The following ABCA3 variants were observed in gnomAD, a reference collection of about 807,000 sequenced individuals.
ABCA3 encodes phospholipid-transporting ATPase ABCA3.
In ABCA3, 88 loss-of-function variants were observed where a neutral mutation model predicts 172.8. That is an observed-to-expected ratio of 0.51 (90% CI 0.43 to 0.61). ABCA3 has a LOEUF of 0.61. Ranked by LOEUF, ABCA3 falls within the 20% of genes least tolerant of loss-of-function variation. The probability of loss-of-function intolerance (pLI) is 0.00; values close to 1 mark genes in which losing one functional copy is unlikely to be tolerated. For missense variants in ABCA3, 2,164 were observed against 2,301.0 expected, an observed-to-expected ratio of 0.94 and a Z score of 1.22; for synonymous variants, 1,066 against 983.8, an observed-to-expected ratio of 1.08 and a Z score of -1.56.
At chr16:2,318,170 G>A (rs951979813) in intron 8 of ABCA3, among the ~76,000 whole-genome samples, 1 of 152,214 alleles carries the variant, frequency 6.6e-6, no homozygotes, top group African/African-American at 2.4e-5. Flanking sequence ...CCATGGCTGT[G>A]AGACGTGACC....
At chr16:2,288,841 C>T (rs1168039604) in intron 20 of ABCA3, among the ~76,000 whole-genome samples, 4 of 152,148 alleles carry the variant, frequency 2.6e-5, no homozygotes, top group East Asian at 1.9e-4. Context: ...CCACCACACC[C>T]GGCCCAGACA....
At chr16:2,324,756 G>A (rs778363496) in intron 5 of ABCA3, among the ~76,000 whole-genome samples, 33 of 152,140 alleles carry the variant, frequency 2.2e-4, no homozygotes, top group Admixed American at 1.4e-3. Flanking sequence ...CTCCTGGTGC[G>A]GGTTTTTTGG....
At chr16:2,339,263 C>G (rs1007260977) in intron 1 of ABCA3, 3 of 152,186 alleles carry the variant, frequency 2.0e-5, no homozygotes, top group Non-Finnish European at 4.4e-5. Flanking sequence ...AGATGGAAGG[C>G]TAACATCTTT....
At chr16:2,292,605 A>G (rs1445911859) in intron 18 of ABCA3, among the ~76,000 whole-genome samples, 1 of 151,940 alleles carries the variant, frequency 6.6e-6, no homozygotes, top group Non-Finnish European at 1.5e-5. Context: ...TCTCAAAAAA[A>G]TAAATAAATA....
intron 18 of ABCA3, among the ~76,000 whole-genome samples, chr16:2,294,919 G>A (rs1305176028): frequency 6.6e-6 from 1 of 152,134 alleles, no homozygotes; most frequent in Non-Finnish European, 1.5e-5. Context: ...GGAGGCAGAG[G>A]TTGCAGTGAG....
intron 10 of ABCA3, among the ~76,000 whole-genome samples, chr16:2,316,816 A>C (rs1287351108): frequency 6.6e-6 from 1 of 152,202 alleles, no homozygotes; most frequent in Non-Finnish European, 1.5e-5. Context: ...TGAAACATTA[A>C]AGGTAATCAC....
chr16:2,292,308 A>ACC, intron 18 of ABCA3, 70 bp from the exon 19 acceptor site: 1 of 1,391,298 alleles, frequency 7.2e-7, no homozygotes. Flanking sequence ...CTAAAGCATC[A>ACC]CCCCCCCTCG....
chr16:2,305,811 G>T (rs1038530516), intron 11 of ABCA3, among the ~76,000 whole-genome samples: 8 of 152,084 alleles, frequency 5.3e-5, no homozygotes, highest in Non-Finnish European at 1.0e-4. Context: ...CCAGCCTCAA[G>T]CCTTCCTCCT....
rs754277748 is a variant in ABCA3, at chr16:2,328,482, T to A, written c.-56A>T. 2 of 510,586 alleles carry A rather than the reference T, an allele frequency of 3.9e-6. No individual in the cohort carries two copies. Among genetic ancestry groups the A allele is most frequent in the Admixed American group, 4.0e-5 (2 of 50,176 alleles). 31.6% of individuals were successfully genotyped at this position (510,586 alleles called of 1,614,324 possible). ...TAGAGAAGTAGGTGGTCTGAGTAAG[T>A]TCAAGTAGGCGCTGCAACCCGCAGG... On this transcript the variant is annotated 5_prime_UTR_variant, in exon 3 of 33. Transcript: ENST00000301732.
At chr16:2,332,233 C>CT (rs374484947) in intron 1 of ABCA3, 10,334 of 359,754 alleles carry the variant, frequency 0.029, no homozygotes, top group Middle Eastern at 0.047. Flanking sequence ...TCCTCCATTT[C>CT]TTTTTTTTTT....
chr16:2,276,093 G>C lies in ABCA3; in HGVS notation c.*581C>G. On this transcript the variant is annotated 3_prime_UTR_variant, in exon 33 of 33. Coordinates refer to ENST00000301732, the MANE Select transcript of ABCA3 (RefSeq NM_001089.3). ...ATGCTGTGGGACGGTGCCCGGCTTC[G>C]CGGTGACTACCATGCCCTAAGGAGC... is the stretch of plus-strand genomic sequence containing the variant. 6.5e-6 allele frequency: 2 copies of C among 308,816 alleles called. No homozygotes were observed. Among genetic ancestry groups the C allele is most frequent in the Non-Finnish European group, 1.3e-5 (2 of 155,802 alleles). The allele number at this position is 308,816 out of a possible 1,614,324, so 19.1% of individuals were successfully genotyped here.
Position 2,284,426 on chromosome 16 carries a change from C to T in ABCA3, c.3715G>A (p.Glu1239Lys), listed in dbSNP as rs1166274457. 6.2e-7 allele frequency: 1 copy of T among 1,613,738 alleles called. No individual in the cohort carries two copies. Among genetic ancestry groups the T allele is most frequent in the Non-Finnish European group, 8.5e-7 (1 of 1,180,006 alleles). The stretch of plus-strand genomic sequence containing the variant: ...TGATCCAGGGTTTTGGAAAGTTCTT[C>T]CAGTTTTACAGCTGCGTTGGGGAGG... ...TIMRIPAVKL[E>K]ELSKTLDHVF... is the part of the protein sequence containing the mutation. The change falls in exon 25 of 33, where the codon GAA becomes AAA. Residue 1239 changes from glutamate to lysine, a missense_variant. Physicochemically the swap from Glu to Lys is moderately conservative, Grantham distance 56 (BLOSUM62 1). Around this residue, in one of 3 missense-constraint regions of ABCA3, gnomAD observed 795 missense variants for 881.9 expected, o/e 0.90. Coordinates refer to ENST00000301732, the MANE Select transcript of ABCA3 (RefSeq NM_001089.3). This position sits in a 1 kb window ranked among gnomAD's most constrained non-coding sequence, Gnocchi z 5.9.
At chr16:2,280,438 C>T (rs1444014845) in intron 28 of ABCA3, among the ~76,000 whole-genome samples, 1 of 152,212 alleles carries the variant, frequency 6.6e-6, no homozygotes, top group Non-Finnish European at 1.5e-5. Flanking sequence ...ATGAGGCTTT[C>T]CTCCCGAGAG....
intron 5 of ABCA3, 75 bp from the exon 6 acceptor site, chr16:2,324,606 A>C: frequency 1.3e-6 from 2 of 1,592,920 alleles, no homozygotes; most frequent in African/African-American, 1.3e-5. Context: ...GGTTCAGGTC[A>C]CTGGCAGATG....
chr16:2,297,473 G>T lies in ABCA3; in HGVS notation c.2119C>A (p.Leu707Ile). The T allele has an allele frequency of 6.2e-7, 1 of 1,613,754 alleles. No homozygotes were observed. Among genetic ancestry groups the T allele is most frequent in the Non-Finnish European group, 8.5e-7 (1 of 1,180,020 alleles). The change falls in exon 17 of 33, where the codon CTT becomes ATT. Residue 707 changes from leucine to isoleucine, a missense_variant. By Grantham distance (5) the Leu-to-Ile change is conservative. This residue lies in a region of ABCA3 where 1,343 missense variants were observed against 1,369.6 expected (regional missense o/e 0.98). Coordinates refer to ENST00000301732, the MANE Select transcript of ABCA3 (RefSeq NM_001089.3). The surrounding 1 kb of genome is among the most constrained non-coding windows in gnomAD (Gnocchi z 5.6). ...GTGCGGTCACTTTTCTGCCGCTGAA[G>T]AAGATCCCAGATGGCCCTCCTGGAG... The part of the protein sequence containing the change: ...AISRRAIWDL[L>I]QRQKSDRTIV...
intron 26 of ABCA3, among the ~76,000 whole-genome samples, chr16:2,282,575 G>A (rs1394784013): frequency 6.6e-6 from 1 of 152,182 alleles, no homozygotes. Context: ...AACACGTGGA[G>A]CACCCCTCAG....
At chr16:2,299,870 T>C in intron 13 of ABCA3, 135 bp downstream of exon 13, 2 of 1,305,878 alleles carry the variant, frequency 1.5e-6, no homozygotes, top group Non-Finnish European at 2.1e-6. Flanking sequence ...GGAGGGTTCC[T>C]GCCCTCCTTC....
chr16:2,300,745 C>CG (rs1315592640), intron 12 of ABCA3, among the ~76,000 whole-genome samples: 3 of 152,174 alleles, frequency 2.0e-5, no homozygotes, highest in African/African-American at 7.2e-5. Context: ...CACAGTGGTG[C>CG]GGGCAGAGCA....
chr16:2,276,753 G>T lies in ABCA3; in HGVS notation c.5036C>A (p.Ser1679Tyr). ...CTGTTCCAGCGAGATCTGGCTCACG[G>T]AGTAGTCGTCCACGCCGTACTTTTC... ...AKEKYGVDDY[S>Y]VSQISLEQVF... is the part of the protein sequence containing the mutation. The change falls in exon 33 of 33, where the codon TCC becomes TAC. Residue 1679 changes from serine to tyrosine, a missense_variant. Physicochemically the swap from Ser to Tyr is moderately radical, Grantham distance 144 (BLOSUM62 -2). Coordinates refer to ENST00000301732, the MANE Select transcript of ABCA3 (RefSeq NM_001089.3). The T allele has an allele frequency of 6.2e-7, 1 of 1,614,016 alleles. No individual in the cohort carries two copies. The highest frequency in any genetic ancestry group is 8.5e-7 in the Non-Finnish European group (1 of 1,180,042).
Sources: gnomAD v4.1 joint callset for allele counts (sites outside exome capture counted in the v4.1 genomes callset) on GRCh38, gnomAD v4.1.1 for gene constraint, gnomAD v4.1.1 regional missense constraint, Gnocchi (gnomAD v3.1) non-coding constraint, MANE v1.5 for transcripts, NCBI Gene and HGNC (gene_info 2026-07-23, HGNC 2026-07-21) for gene names.